PDIA5: variants seen among roughly 807,000 people sequenced by gnomAD.
The protein encoded by PDIA5 is protein disulfide-isomerase A5.
A neutral mutation model predicts 77.6 loss-of-function variants in PDIA5; 58 were observed. That is an observed-to-expected ratio of 0.75 (90% confidence interval 0.61 to 0.93). The LOEUF is 0.93. Ranked by LOEUF, PDIA5 falls within the 40% of genes least tolerant of loss-of-function variation. The pLI is 0.00. For synonymous variants in PDIA5, 250 were observed against 252.1 expected (o/e 0.99, Z 0.08); for missense variants, 630 against 647.7 (o/e 0.97, Z 0.30).
At chr3:123,103,290 G>A (rs947868022) in intron 5 of PDIA5, among the ~76,000 whole-genome samples, 33 of 152,334 alleles carry the variant, frequency 2.2e-4, no homozygotes, top group African/African-American at 7.7e-4. Context: ...TAAATGGAAA[G>A]AAATATGAGA....
At chr3:123,100,634 G>A (rs956494865) in intron 3 of PDIA5, among the ~76,000 whole-genome samples, 4 of 152,322 alleles carry the variant, frequency 2.6e-5, no homozygotes, top group Middle Eastern at 3.4e-3. Context: ...GCCTGGGGGT[G>A]GAAGGGGGCA....
At chr3:123,125,665 A>T (rs1019973568) in intron 10 of PDIA5, among the ~76,000 whole-genome samples, 22 of 152,230 alleles carry the variant, frequency 1.4e-4, no homozygotes, top group Admixed American at 7.2e-4. Context: ...GTACCAGGAA[A>T]AAAATGCACA....
chr3:123,093,258 GGTGT>G (rs3080445), intron 3 of PDIA5, among the ~76,000 whole-genome samples: 3,205 of 148,524 alleles, frequency 0.022, 38 homozygotes, highest in African/African-American at 0.04. Flanking sequence ...TGCTGTAGAG[GGTGT>G]GTGTGTGTGT....
At chr3:123,154,240 G>A (rs1356070399) in intron 14 of PDIA5, among the ~76,000 whole-genome samples, 1 of 152,146 alleles carries the variant, frequency 6.6e-6, no homozygotes, top group Non-Finnish European at 1.5e-5. Flanking sequence ...TAGCTCAAAG[G>A]CCTTAGGCTG....
At chr3:123,067,548 C>T (rs1933603663) in intron 1 of PDIA5, 1 of 311,514 alleles carries the variant, frequency 3.2e-6, no homozygotes, top group Non-Finnish European at 5.9e-6. Flanking sequence ...GGGTGAGCTC[C>T]GCTCCAGACT....
chr3:123,123,677 C>G (rs542894685), intron 8 of PDIA5, among the ~76,000 whole-genome samples: 1 of 152,176 alleles, frequency 6.6e-6, no homozygotes. Flanking sequence ...GAGTACAACC[C>G]GAGTTGACAT....
chr3:123,123,817 GCA>G (rs1935174472), intron 8 of PDIA5, among the ~76,000 whole-genome samples: 1 of 152,204 alleles, frequency 6.6e-6, no homozygotes. Context: ...GGTTCTTCCT[GCA>G]GGGAGGCAGA....
Position 123,154,969 on chromosome 3 carries a change from AG to A in PDIA5, c.1275del, listed in dbSNP as rs1935986394. The A allele has an allele frequency of 1.2e-6, 2 of 1,602,454 alleles. No homozygotes were observed. The highest frequency in any genetic ancestry group is 1.1e-5 in the South Asian group (1 of 90,854). On this transcript the variant is annotated splice_acceptor_variant, in intron 14 of 16. Coordinates refer to ENST00000316218, the MANE Select transcript of PDIA5 (RefSeq NM_006810.4). LOFTEE classifies it high-confidence loss of function. The stretch of plus-strand genomic sequence containing the variant: ...TGTGTGCTCTCTTCCCCTCTCACAC[AG>A]GGTGCCCACACTGTAAGAAGGTCAT...
chr3:123,073,972 C>T (rs907362146), intron 1 of PDIA5, among the ~76,000 whole-genome samples: 1 of 152,168 alleles, frequency 6.6e-6, no homozygotes, highest in African/African-American at 2.4e-5. Flanking sequence ...TAGGAAAGCT[C>T]TGTTGTTTGG....
At chr3:123,147,538 C>G (rs1035065483) in intron 13 of PDIA5, among the ~76,000 whole-genome samples, 1 of 152,140 alleles carries the variant, frequency 6.6e-6, no homozygotes, top group Non-Finnish European at 1.5e-5. Context: ...CCATGGTGTT[C>G]TAAGCAACAC....
intron 12 of PDIA5, 72 bp from the exon 13 acceptor site, chr3:123,146,027 G>C: frequency 1.4e-6 from 2 of 1,454,346 alleles, no homozygotes; most frequent in Non-Finnish European, 1.9e-6. Flanking sequence ...TGGGGGCAGC[G>C]TCTGGGCTCC....
At chr3:123,118,301 C>T (rs1322075556) in intron 8 of PDIA5, among the ~76,000 whole-genome samples, 1 of 152,196 alleles carries the variant, frequency 6.6e-6, no homozygotes, top group Non-Finnish European at 1.5e-5. Context: ...TCAATAGACA[C>T]CATATTTTGA....
intron 11 of PDIA5, among the ~76,000 whole-genome samples, chr3:123,139,309 C>T (rs574790213): frequency 2.0e-4 from 31 of 152,290 alleles, no homozygotes; most frequent in African/African-American, 6.7e-4. Flanking sequence ...CAGGTCACCG[C>T]CAGCTCTATC....
intron 3 of PDIA5, among the ~76,000 whole-genome samples, chr3:123,101,906 C>CCTTTTTTTTT (rs1553798314): frequency 8.4e-5 from 6 of 71,374 alleles, no homozygotes; most frequent in Admixed American, 2.6e-4. Context: ...TTCTTTCTTG[C>CCTTTTTTTTT]TTTTTTTTTT....
At chr3:123,138,236 G>A (rs1302833270) in intron 11 of PDIA5, among the ~76,000 whole-genome samples, 1 of 152,176 alleles carries the variant, frequency 6.6e-6, no homozygotes, top group African/African-American at 2.4e-5. Flanking sequence ...ATGAGCCACT[G>A]CATCTGGCCC....
chr3:123,105,178 A>G (rs1934696333), intron 5 of PDIA5, among the ~76,000 whole-genome samples: 1 of 152,208 alleles, frequency 6.6e-6, no homozygotes, highest in Admixed American at 6.5e-5. Context: ...CTGAGCACCT[A>G]CTGAACTCCA....
chr3:123,161,499 A>T (rs1410655961), intron 16 of PDIA5, 44 bp downstream of exon 16: 3 of 1,592,478 alleles, frequency 1.9e-6, no homozygotes, highest in Non-Finnish European at 2.6e-6. Context: ...CTCTCTGCTG[A>T]TGGGCAGGGA....
At chr3:123,104,477 C>T (rs1405710408) in intron 5 of PDIA5, among the ~76,000 whole-genome samples, 1 of 152,226 alleles carries the variant, frequency 6.6e-6, no homozygotes, top group Non-Finnish European at 1.5e-5. Flanking sequence ...ACAGGAGGGG[C>T]CCATCACCTG....
At chr3:123,069,305 G>A (rs1385563938) in intron 1 of PDIA5, among the ~76,000 whole-genome samples, 1 of 152,136 alleles carries the variant, frequency 6.6e-6, no homozygotes, top group South Asian at 2.1e-4. Flanking sequence ...AGGGTATAAA[G>A]GCATCTGCAG....
Sources: gnomAD v4.1 joint callset for allele counts (sites outside exome capture counted in the v4.1 genomes callset) on GRCh38, gnomAD v4.1.1 for gene constraint, MANE v1.5 for transcripts, NCBI Gene and HGNC (gene_info 2026-07-23, HGNC 2026-07-21) for gene names.